Variants in TRIM71 observed in about 807,000 individuals in gnomAD.
TRIM71 encodes the protein tripartite motif containing 71.
In TRIM71, 9 loss-of-function variants were observed where a neutral mutation model predicts 61.2. The observed-to-expected ratio is 0.15, with a 90% CI of 0.09 to 0.26. TRIM71 has a LOEUF of 0.26. Among genes scored for constraint, TRIM71 ranks in the 10% least tolerant of loss-of-function variants. The pLI, the probability that TRIM71 is intolerant of heterozygous loss-of-function variation, is 1.00. For missense variants in TRIM71, 998 were observed against 1,238.7 expected (o/e 0.81, Z 2.92); for synonymous variants, 645 against 553.2 (o/e 1.17, Z -2.33).
intron 1 of TRIM71, among the ~76,000 whole-genome samples, chr3:32,848,808 T>G (rs542164026): frequency 6.6e-6 from 1 of 152,178 alleles, no homozygotes; most frequent in African/African-American, 2.4e-5. Flanking sequence ...TAGCTGAGAC[T>G]TGAGGTCACA....
rs1423783029 is a variant in TRIM71, at chr3:32,853,255, T to C, written c.853-20563T>C. 3.3e-5 allele frequency among the ~76,000 whole-genome samples: 5 copies of C among 151,994 alleles called. 1 individual carries two copies. Among genetic ancestry groups the C allele is most frequent in the Admixed American group, 3.3e-4 (5 of 15,252 alleles). ...CCTCAGCCTCCCGAGTAGCTGGGAT[T>C]ACAGGTGCATGCCACCACACCCAGC... On this transcript the variant is annotated intron_variant, in intron 1 of 3. Transcript: ENST00000383763.
chr3:32,891,057 G>T lies in TRIM71; in HGVS notation c.1853G>T (p.Gly618Val). ...TGGGGTGTGAGTGTAGACAAGGAGG[G>T]CTACATCATTGTCGCCGACCGCAGC... Reference protein sequence around the residue: ...RPWGVSVDKEGYIIVADRSNN... With the variant: ...RPWGVSVDKEVYIIVADRSNN... Residue 618 changes from glycine (G) to valine (V), a missense_variant, in exon 4 of 4, where the codon GGC (glycine) becomes GTC (valine). By Grantham distance (109) the Gly-to-Val change is moderately radical. Around this residue, in one of 5 missense-constraint regions of TRIM71, gnomAD observed 83 missense variants for 202.7 expected, o/e 0.41. Transcript: ENST00000383763. This position sits in a 1 kb window ranked among gnomAD's most constrained non-coding sequence, Gnocchi z 8.2. The T allele has an allele frequency of 6.2e-7, 1 of 1,612,932 alleles. No individual in the cohort carries two copies.
intron 1 of TRIM71, among the ~76,000 whole-genome samples, chr3:32,859,225 G>C (rs1252646860): frequency 1.3e-5 from 2 of 152,138 alleles, no homozygotes; most frequent in Non-Finnish European, 2.9e-5. Flanking sequence ...TTTGCAAAAA[G>C]AGGAAAAACA....
At chr3:32,832,777 A>G (rs893580762) in intron 1 of TRIM71, among the ~76,000 whole-genome samples, 4 of 152,078 alleles carry the variant, frequency 2.6e-5, no homozygotes, top group African/African-American at 9.7e-5. Flanking sequence ...AGATAAGGGT[A>G]CCCTCCTCTT....
In TRIM71 at chr3:32,890,771, C is replaced by G. The variant is rs375901232; in HGVS notation, c.1567C>G (p.Leu523Val). Residue 523 changes from leucine to valine, a missense_variant, in exon 4 of 4, where the codon CTG becomes GTG. Leu to Val is a conservative substitution (Grantham distance 32). Around this residue, in one of 5 missense-constraint regions of TRIM71, gnomAD observed 291 missense variants for 431.2 expected, o/e 0.67. Transcript: ENST00000383763. The surrounding 1 kb of genome is among the most constrained non-coding windows in gnomAD (Gnocchi z 6.2). ...DGEPRLSGGD[L>V]MSAVVLGPDG... ...TGAGCCCCGCCTCTCAGGAGGCGAC[C>G]TGATGTCGGCTGTGGTCCTGGGCCC... 6.2e-7 allele frequency: 1 copy of G among 1,614,154 alleles called. No homozygotes were observed. The highest frequency in any genetic ancestry group is 8.5e-7 in the Non-Finnish European group (1 of 1,180,026).
chr3:32,833,216 G>A (rs1280599483), intron 1 of TRIM71, among the ~76,000 whole-genome samples: 9 of 111,974 alleles, frequency 8.0e-5, no homozygotes, highest in Non-Finnish European at 1.8e-4. Flanking sequence ...AAAAAAAGAG[G>A]CAGCTGTTTT....
intron 1 of TRIM71, among the ~76,000 whole-genome samples, chr3:32,849,468 C>T (rs1328863867): frequency 6.6e-6 from 1 of 152,154 alleles, no homozygotes; most frequent in African/African-American, 2.4e-5. Flanking sequence ...AAGCAGTTCT[C>T]CTGCCTCAGC....
chr3:32,846,162 G>A (rs997931679), intron 1 of TRIM71, among the ~76,000 whole-genome samples: 1 of 143,694 alleles, frequency 7.0e-6, no homozygotes, highest in African/African-American at 2.6e-5. Flanking sequence ...TGCAAGCTCC[G>A]CCTCCCGGGT....
At chr3:32,854,773 C>T (rs898720829) in intron 1 of TRIM71, among the ~76,000 whole-genome samples, 8 of 152,196 alleles carry the variant, frequency 5.3e-5, no homozygotes, top group African/African-American at 1.4e-4. Flanking sequence ...AGAGCTATTG[C>T]ATAAGCCGTT....
intron 1 of TRIM71, among the ~76,000 whole-genome samples, chr3:32,820,895 A>G (rs923996743): frequency 4.6e-5 from 7 of 152,222 alleles, no homozygotes; most frequent in Non-Finnish European, 1.0e-4. Flanking sequence ...AAATTTGCTC[A>G]GTTTTGAGCA....
chr3:32,852,014 G>T (rs964969758), intron 1 of TRIM71, among the ~76,000 whole-genome samples: 8 of 152,158 alleles, frequency 5.3e-5, no homozygotes, highest in Non-Finnish European at 8.8e-5. Flanking sequence ...AACTATTCAG[G>T]AGAGAGAAGT....
At chr3:32,824,509 T>C (rs1696179579) in intron 1 of TRIM71, among the ~76,000 whole-genome samples, 1 of 151,538 alleles carries the variant, frequency 6.6e-6, no homozygotes. Flanking sequence ...AGTCCTTTTC[T>C]TAAGGCTGAG....
intron 1 of TRIM71, among the ~76,000 whole-genome samples, chr3:32,865,926 A>C (rs1696730457): frequency 6.8e-6 from 1 of 147,664 alleles, no homozygotes; most frequent in South Asian, 2.2e-4. Flanking sequence ...TCCTGGGCTC[A>C]AGCGATTCTC....
chr3:32,895,926 A>G lies in TRIM71; in HGVS notation c.*4115A>G, dbSNP rs1697072915. The G allele has an allele frequency of 6.6e-6, 1 of 152,608 alleles. No homozygotes were observed. Among genetic ancestry groups the G allele is most frequent in the African/African-American group, 2.4e-5 (1 of 41,486 alleles). The allele number at this position is 152,608 out of a possible 1,614,324, so 9.5% of individuals were successfully genotyped here. On this transcript the variant is annotated 3_prime_UTR_variant, in exon 4 of 4. Coordinates refer to ENST00000383763, the MANE Select transcript of TRIM71 (RefSeq NM_001039111.3). ...TGGGTGGGAGTGGGAAGCTACCTCT[A>G]AAAGAAATGTTACCATAAATCTACA...
intron 1 of TRIM71, among the ~76,000 whole-genome samples, chr3:32,850,948 T>C (rs1038913997): frequency 1.3e-5 from 2 of 152,010 alleles, no homozygotes; most frequent in African/African-American, 2.4e-5. Flanking sequence ...TGGGGAGGGG[T>C]TTAAATAGAA....
chr3:32,885,104 ACT>A, intron 2 of TRIM71, among the ~76,000 whole-genome samples: 1 of 151,944 alleles, frequency 6.6e-6, no homozygotes, highest in East Asian at 1.9e-4. Context: ...ATGATTGGTC[ACT>A]CTGATTCCTA....
rs1014525103 is a variant in TRIM71, at chr3:32,835,824, G to A, written c.852+16892G>A. On this transcript the variant is annotated intron_variant, in intron 1 of 3. Transcript: ENST00000383763. ...TATCTGTAAATTTTATTTTTAAAAT[G>A]TACCCCGTCCCACTTCTTTCCAAAG... Among the ~76,000 whole-genome samples, 7 of 132,900 alleles carry A rather than the reference G, an allele frequency of 5.3e-5. No homozygotes were observed. In the East Asian group the frequency reaches 1.5e-3, roughly 28 times the overall value. The allele number at this position is 132,900 out of a possible 152,430, so 87.2% of individuals were successfully genotyped here.
chr3:32,829,949 G>A (rs1467067274), intron 1 of TRIM71, among the ~76,000 whole-genome samples: 1 of 118,386 alleles, frequency 8.4e-6, no homozygotes, highest in African/African-American at 3.3e-5. Context: ...TTTTTTTCGA[G>A]ATGGAGTCTT....
chr3:32,865,640 T>C (rs747794640), intron 1 of TRIM71, among the ~76,000 whole-genome samples: 1 of 152,094 alleles, frequency 6.6e-6, no homozygotes, highest in Non-Finnish European at 1.5e-5. Context: ...TTTCACACTT[T>C]TAATAGTTCT....
Sources: gnomAD v4.1 joint callset for allele counts (sites outside exome capture counted in the v4.1 genomes callset) on GRCh38, gnomAD v4.1.1 for gene constraint, gnomAD v4.1.1 regional missense constraint, Gnocchi (gnomAD v3.1) non-coding constraint, MANE v1.5 for transcripts, NCBI Gene and HGNC (gene_info 2026-07-23, HGNC 2026-07-21) for gene names.